Variants in PKD2L1 observed in about 807,000 individuals in gnomAD.
PKD2L1 encodes polycystin-2-like protein 1.
PKD2L1 carries 77 observed loss-of-function variants against 93.0 expected under a neutral mutation model. The observed-to-expected ratio is 0.83, with a 90% confidence interval of 0.69 to 1.00. The LOEUF (loss-of-function observed/expected upper bound fraction) is 1.00, where lower values mean the gene tolerates loss of function less well. Ranked by LOEUF, PKD2L1 falls within the 50% of genes least tolerant of loss-of-function variation. PKD2L1 has a pLI of 0.00. For missense variants in PKD2L1, 977 were observed against 990.9 expected (o/e 0.99, Z 0.19); for synonymous variants, 390 against 388.0 (o/e 1.01, Z -0.06).
At chr10:100,324,508 A>G (rs1049037584) in intron 2 of PKD2L1, among the ~76,000 whole-genome samples, 2 of 152,146 alleles carry the variant, frequency 1.3e-5, no homozygotes, top group Non-Finnish European at 1.5e-5. Context: ...CCACCATGGC[A>G]TATAGTTGGA....
chr10:100,329,840 C>T (rs1849464606), intron 1 of PKD2L1, 29 bp downstream of exon 1: 3 of 1,384,364 alleles, frequency 2.2e-6, no homozygotes, highest in Non-Finnish European at 3.0e-6. Context: ...ATTCTAATAT[C>T]CCAGGAGAAC....
At chr10:100,322,159 G>A (rs1849273871) in intron 2 of PKD2L1, among the ~76,000 whole-genome samples, 1 of 152,080 alleles carries the variant, frequency 6.6e-6, no homozygotes, top group Non-Finnish European at 1.5e-5. Flanking sequence ...GTTTGAGGCT[G>A]GAGTGAGCTG....
In PKD2L1 at chr10:100,294,568, G is replaced by A. The variant is rs1173286114; in HGVS notation, c.1626C>T (p.Val542=). 1 of 1,614,012 alleles carries A rather than the reference G, an allele frequency of 6.2e-7. No homozygotes were observed. The highest frequency in any genetic ancestry group is 8.5e-7 in the Non-Finnish European group (1 of 1,179,980). The part of the protein sequence containing the change: ...ANRILGPAYF[V]TYVFFVFFVL... Reference sequence around the variant, plus strand: ...CGAAGAAGACGAAGAAGACATAGGTGACAAAGTAGGCAGGGCCCAGGATGC... The same window carrying A: ...CGAAGAAGACGAAGAAGACATAGGTAACAAAGTAGGCAGGGCCCAGGATGC... The change falls in exon 9 of 16, where the codon GTC becomes GTT. Residue 542 remains valine (V), a synonymous_variant. Coordinates refer to ENST00000318222, the MANE Select transcript of PKD2L1 (RefSeq NM_016112.3).
In PKD2L1 at chr10:100,294,414, C is replaced by T. The variant is rs571018914; in HGVS notation, c.1659+121G>A. 68 of 1,033,490 alleles carry T rather than the reference C, an allele frequency of 6.6e-5. 2 individuals are homozygous for T. The highest frequency in any genetic ancestry group is 5.7e-4 in the South Asian group (41 of 71,574). The allele number at this position is 1,033,490 out of a possible 1,614,324, so 64.0% of individuals were successfully genotyped here. ...TCTCTCAGAAGATCCAGACATCGGC[C>T]CCCCCACTCACTCTCCATCCTTGAT... is the stretch of plus-strand genomic sequence containing the variant. On this transcript the variant is annotated intron_variant, in intron 9 of 15. Transcript: ENST00000318222.
At chr10:100,318,798 C>T (rs1356432616) in intron 2 of PKD2L1, among the ~76,000 whole-genome samples, 3 of 151,574 alleles carry the variant, frequency 2.0e-5, no homozygotes, top group Non-Finnish European at 4.4e-5. Flanking sequence ...GGATTACAGG[C>T]GTGAGCCACC....
chr10:100,288,934 G>A, intron 15 of PKD2L1, 38 bp downstream of exon 15: 2 of 1,392,476 alleles, frequency 1.4e-6, no homozygotes, highest in South Asian at 1.2e-5. Context: ...CAGAGGGAGG[G>A]AAGCCTGCTG....
chr10:100,298,684 T>G lies in PKD2L1; in HGVS notation c.609A>C (p.Leu203=). 1.2e-6 allele frequency: 2 copies of G among 1,614,170 alleles called. No homozygotes were observed. The highest frequency in any genetic ancestry group is 8.5e-7 in the Non-Finnish European group (1 of 1,180,034). Residue 203 remains leucine, a synonymous_variant, in exon 4 of 16, where the codon CTA becomes CTC. Coordinates refer to ENST00000318222, the MANE Select transcript of PKD2L1 (RefSeq NM_016112.3). ...MLLGVPRLRQ[L]KVRNDSCVVH... ...CCACACAGGAGTCATTGCGGACCTTTAGCTGCCGCAGCCTCGGAACCCCCA... is the reference window on the plus strand; with the variant it reads ...CCACACAGGAGTCATTGCGGACCTTGAGCTGCCGCAGCCTCGGAACCCCCA...
intron 9 of PKD2L1, 118 bp downstream of exon 9, chr10:100,294,417 C>A: frequency 9.3e-7 from 1 of 1,071,214 alleles, no homozygotes; most frequent in South Asian, 1.4e-5. Context: ...CATCGGCCCC[C>A]CCACTCACTC....
In PKD2L1 at chr10:100,296,867, C is replaced by T. The variant is rs1372490338; in HGVS notation, c.1185+113G>A. 7.4e-6 allele frequency: 5 copies of T among 671,432 alleles called. No homozygotes were observed. The African/African-American group carries it at 9.1e-5, about 12-fold the overall frequency. The allele number at this position is 671,432 out of a possible 1,614,324, so 41.6% of individuals were successfully genotyped here. ...GGGAGCTGTTAAATGATGATTTGAC[C>T]AAAAGTCAGAAGGAGGGCTTAGGGC... On this transcript the variant is annotated intron_variant, in intron 6 of 15. Transcript: ENST00000318222.
At chr10:100,295,729 C>T (rs1848517536) in intron 7 of PKD2L1, among the ~76,000 whole-genome samples, 1 of 75,112 alleles carries the variant, frequency 1.3e-5, no homozygotes, top group Admixed American at 1.9e-4. Flanking sequence ...GAGACTTCGT[C>T]TCAAAAAAAA....
At chr10:100,316,406 A>G (rs886647237) in intron 2 of PKD2L1, among the ~76,000 whole-genome samples, 6 of 152,208 alleles carry the variant, frequency 3.9e-5, no homozygotes, top group Admixed American at 2.0e-4. Flanking sequence ...TCCTGACCTC[A>G]GGTGATCTGC....
intron 2 of PKD2L1, among the ~76,000 whole-genome samples, chr10:100,309,718 T>C (rs1297986213): frequency 1.3e-5 from 2 of 152,094 alleles, no homozygotes; most frequent in Non-Finnish European, 2.9e-5. Context: ...TAAAAAGAGA[T>C]TTCTGGAACC....
At chr10:100,295,731 C>CAA (rs71013441) in intron 7 of PKD2L1, among the ~76,000 whole-genome samples, 1,458 of 56,256 alleles carry the variant, frequency 0.026, 38 homozygotes, top group East Asian at 0.12. Context: ...GACTTCGTCT[C>CAA]AAAAAAAAAA....
At position 100,301,997 on chromosome 10, in the gene PKD2L1, A is replaced by C. The variant is rs11190464; in HGVS notation, c.350-2279T>G. Among the ~76,000 whole-genome samples, 45 of 152,190 alleles carry C rather than the reference A, an allele frequency of 3.0e-4. No individual in the cohort carries two copies. In the East Asian group the frequency reaches 8.5e-3, roughly 29 times the overall value. On this transcript the variant is annotated intron_variant, in intron 2 of 15. Transcript: ENST00000318222. ...ATTACAGGCATATGCCACCACACTC[A>C]GCAAATTTTGTATTTTTAGTAGAGA... is the stretch of plus-strand genomic sequence containing the variant.
At chr10:100,309,102 T>C (rs2133556603) in intron 2 of PKD2L1, among the ~76,000 whole-genome samples, 1 of 151,578 alleles carries the variant, frequency 6.6e-6, no homozygotes, top group Admixed American at 6.6e-5. Flanking sequence ...CAAAAAAAAA[T>C]GCAAACAACC....
chr10:100,292,492 C>CA (rs113936745), intron 11 of PKD2L1, among the ~76,000 whole-genome samples: 8,685 of 129,832 alleles, frequency 0.067, 604 homozygotes, highest in African/African-American at 0.18. Flanking sequence ...GACTTTGTCT[C>CA]AAAAAAAAAA....
Position 100,298,849 on chromosome 10 carries a change from C to G in PKD2L1, c.478-34G>C, listed in dbSNP as rs1385512929. On this transcript the variant is annotated intron_variant, in intron 3 of 15. Coordinates refer to ENST00000318222, the MANE Select transcript of PKD2L1 (RefSeq NM_016112.3). ...CAAGCTGGCTTGAACCTTACCCAGC[C>G]TCCTCCTGACCCCCTACCTTTAGAA... 8.8e-6 allele frequency: 14 copies of G among 1,588,118 alleles called. No homozygotes were observed. In the African/African-American group the frequency reaches 1.9e-4, roughly 21 times the overall value.
chr10:100,294,216 C>T (rs1203026117), intron 9 of PKD2L1, among the ~76,000 whole-genome samples: 1 of 152,134 alleles, frequency 6.6e-6, no homozygotes, highest in Admixed American at 6.5e-5. Flanking sequence ...GAAGGGGAGT[C>T]TTGGAGGACG....
intron 4 of PKD2L1, among the ~76,000 whole-genome samples, 173 bp from the exon 5 acceptor site, chr10:100,297,779 C>A (rs1372595679): frequency 6.7e-6 from 1 of 148,972 alleles, no homozygotes; most frequent in African/African-American, 2.5e-5. Flanking sequence ...TATAATGTAT[C>A]ATTTATTATT....
Sources: gnomAD v4.1 joint callset for allele counts (sites outside exome capture counted in the v4.1 genomes callset) on GRCh38, gnomAD v4.1.1 for gene constraint, MANE v1.5 for transcripts, NCBI Gene and HGNC (gene_info 2026-07-23, HGNC 2026-07-21) for gene names.